SLC71A2: variants seen among roughly 807,000 people sequenced by gnomAD.
The protein encoded by SLC71A2 is solute carrier family 71 member 2, also known as hippocampus abundant transcript-like 1.
chr9:94,414,950 A>G, the SLC71A2 span, among the ~76,000 whole-genome samples: 108,420 of 152,006 alleles, frequency 0.71, 40,254 homozygotes, highest in African/African-American at 0.93. Flanking sequence ...GAGCCACCAC[A>G]CCCAACCGAA....
At chr9:94,406,248 T>C in the SLC71A2 span, among the ~76,000 whole-genome samples, 3 of 151,302 alleles carry the variant, frequency 2.0e-5, no homozygotes, top group African/African-American at 7.3e-5. Flanking sequence ...TTTTGATTAT[T>C]ATTATTTTTT....
At chr9:94,431,026 C>G in the SLC71A2 span, among the ~76,000 whole-genome samples, 4 of 152,032 alleles carry the variant, frequency 2.6e-5, no homozygotes, top group Non-Finnish European at 4.4e-5. Flanking sequence ...TAAAATTATT[C>G]CCAAGGCTGC....
the SLC71A2 span, among the ~76,000 whole-genome samples, chr9:94,449,688 T>C: frequency 3.3e-5 from 5 of 152,180 alleles, no homozygotes; most frequent in African/African-American, 7.2e-5. Flanking sequence ...ATTCAACATA[T>C]AGTTACCATA....
chr9:94,403,027 C>A, the SLC71A2 span, among the ~76,000 whole-genome samples: 1 of 152,174 alleles, frequency 6.6e-6, no homozygotes, highest in Non-Finnish European at 1.5e-5. Flanking sequence ...AGCAATAACT[C>A]CCTAGCTCCT....
the SLC71A2 span, among the ~76,000 whole-genome samples, chr9:94,423,959 C>G: frequency 6.6e-6 from 1 of 151,964 alleles, no homozygotes; most frequent in Non-Finnish European, 1.5e-5. Context: ...TACCACAAAC[C>G]TTAATTGGTT....
the SLC71A2 span, among the ~76,000 whole-genome samples, chr9:94,444,437 T>C: frequency 6.6e-6 from 1 of 152,192 alleles, no homozygotes; most frequent in Non-Finnish European, 1.5e-5. Flanking sequence ...AGCAGAGGGT[T>C]CCCCCTGACC....
At chr9:94,404,313 G>T in the SLC71A2 span, among the ~76,000 whole-genome samples, 2 of 151,032 alleles carry the variant, frequency 1.3e-5, no homozygotes, top group Non-Finnish European at 2.9e-5. Context: ...TGTTTTTTTG[G>T]GGGACAGATT....
At chr9:94,437,484 ACT>A in the SLC71A2 span, among the ~76,000 whole-genome samples, 1 of 151,656 alleles carries the variant, frequency 6.6e-6, no homozygotes, top group Admixed American at 6.6e-5. Context: ...TCTATGTCAG[ACT>A]CTCTTCCCCT....
chr9:94,424,534 CATA>C, the SLC71A2 span, among the ~76,000 whole-genome samples: 2 of 152,046 alleles, frequency 1.3e-5, no homozygotes, highest in African/African-American at 4.8e-5. Context: ...TGCGCCCAGC[CATA>C]ATATCTTGTA....
chr9:94,378,306 A>AG, the SLC71A2 span, among the ~76,000 whole-genome samples: 901 of 152,048 alleles, frequency 5.9e-3, 7 homozygotes, highest in African/African-American at 0.02. Context: ...CAGAAGGCGA[A>AG]GGGGAAGCAG....
chr9:94,389,459 A>T, the SLC71A2 span, among the ~76,000 whole-genome samples: 2 of 151,286 alleles, frequency 1.3e-5, no homozygotes, highest in East Asian at 3.9e-4. Context: ...TATTTTTTTC[A>T]GTAGGGACGA....
the SLC71A2 span, among the ~76,000 whole-genome samples, chr9:94,442,142 T>C: frequency 6.6e-6 from 1 of 152,186 alleles, no homozygotes; most frequent in Non-Finnish European, 1.5e-5. Flanking sequence ...GGGGAATAGG[T>C]TGGAGGGAGA....
At chr9:94,397,125 A>T in the SLC71A2 span, among the ~76,000 whole-genome samples, 2 of 152,268 alleles carry the variant, frequency 1.3e-5, no homozygotes, top group African/African-American at 4.8e-5. Flanking sequence ...CTCCTTCAGG[A>T]TGTTTTTATA....
chr9:94,441,130 C>A, the SLC71A2 span: 1 of 1,220,748 alleles, frequency 8.2e-7, no homozygotes, highest in Non-Finnish European at 1.2e-6. Flanking sequence ...TATTTTTTAA[C>A]CAGAATAGTA....
chr9:94,412,119 G>A, the SLC71A2 span, among the ~76,000 whole-genome samples: 2 of 152,214 alleles, frequency 1.3e-5, no homozygotes, highest in East Asian at 1.9e-4. Flanking sequence ...AACTTTTAAT[G>A]TCTGATACTG....
the SLC71A2 span, among the ~76,000 whole-genome samples, chr9:94,383,688 G>T: frequency 6.6e-6 from 1 of 152,152 alleles, no homozygotes; most frequent in African/African-American, 2.4e-5. Flanking sequence ...ATTTCCACAA[G>T]AAAGCCTTTT....
chr9:94,419,976 G>GCT, the SLC71A2 span, among the ~76,000 whole-genome samples: 1 of 152,286 alleles, frequency 6.6e-6, no homozygotes, highest in East Asian at 1.9e-4. Context: ...TAAACTTTCA[G>GCT]CTCTCTACTA....
chr9:94,382,676 T>A, the SLC71A2 span, among the ~76,000 whole-genome samples: 3 of 152,156 alleles, frequency 2.0e-5, no homozygotes, highest in Non-Finnish European at 4.4e-5. Context: ...CTTTTTTTTT[T>A]AGACGGAGTC....
chr9:94,397,958 G>A, the SLC71A2 span, among the ~76,000 whole-genome samples: 1 of 152,112 alleles, frequency 6.6e-6, no homozygotes, highest in African/African-American at 2.4e-5. Flanking sequence ...ACTTTGGAAG[G>A]AAGTCACTAT....
Sources: gnomAD v4.1 joint callset for allele counts (sites outside exome capture counted in the v4.1 genomes callset) on GRCh38, gnomAD v4.1.1 for gene constraint, MANE v1.5 for transcripts, NCBI Gene and HGNC (gene_info 2026-07-23, HGNC 2026-07-21) for gene names.